The following SLC39A4 variants were observed in gnomAD, a reference collection of about 807,000 sequenced individuals.
The protein encoded by SLC39A4 is solute carrier family 39 member 4.
Under a neutral mutation model 56.6 loss-of-function variants are expected in SLC39A4, and 49 were observed. The observed-to-expected ratio is 0.87, with a 90% CI of 0.69 to 1.10. The LOEUF is 1.10. Among genes scored for constraint, SLC39A4 ranks in the 50% least tolerant of loss-of-function variants. The probability of loss-of-function intolerance (pLI) is 0.00; values close to 1 mark genes in which losing one functional copy is unlikely to be tolerated. For synonymous variants in SLC39A4, 540 were observed against 420.4 expected, an observed-to-expected ratio of 1.28 and a Z score of -3.48; for missense variants, 993 against 864.2, an observed-to-expected ratio of 1.15 and a Z score of -1.87.
rs371989787 is a variant in SLC39A4 at position 144,413,538 on chromosome 8, G to A, written c.1449C>T (p.Asn483=). 3 of 1,556,074 alleles carry A rather than the reference G, an allele frequency of 1.9e-6. No homozygotes were observed. The highest frequency in any genetic ancestry group is 2.6e-6 in the Non-Finnish European group (3 of 1,149,910). The change falls in exon 9 of 12, where the codon AAC becomes AAT. Residue 483 remains asparagine (N), a synonymous_variant. Coordinates refer to ENST00000301305, the MANE Select transcript of SLC39A4 (RefSeq NM_130849.4). ...CTGGGCTCAGTCTCCTGGGCTCAGG[G>A]TTCAGCAGCTCCGGGCTCTCCTCCG... is the stretch of plus-strand genomic sequence containing the variant. ...LVAEESPELL[N]PEPRRLSPEL...
intron 10 of SLC39A4, 134 bp from the exon 11 acceptor site, chr8:144,413,080 C>T: frequency 6.7e-7 from 1 of 1,481,816 alleles, no homozygotes; most frequent in African/African-American, 1.4e-5. Flanking sequence ...CAGATCCCGC[C>T]CATCACCTTC....
At chr8:144,413,085 A>T (rs1399980502) in intron 10 of SLC39A4, 139 bp from the exon 11 acceptor site, 1 of 1,381,960 alleles carries the variant, frequency 7.2e-7, no homozygotes, top group Non-Finnish European at 9.5e-7. Context: ...CCCGCCCATC[A>T]CCTTCCAGGC....
rs782789173 is a variant in SLC39A4, at chr8:144,415,870, C to G, written c.414G>C (p.Pro138=). The G allele has an allele frequency of 3.1e-6, 5 of 1,597,590 alleles. No individual in the cohort carries two copies. The highest frequency in any genetic ancestry group is 4.3e-6 in the Non-Finnish European group (5 of 1,175,356). ...ALLESPKALT[P]GLSWLLQRMQ... ...TCCTCTGCAGCAGCCAGCTCAGGCC[C>G]GGGGTCAGGGCCTTGGGGCTCTCGA... The change falls in exon 2 of 12, where the codon CCG becomes CCC. Residue 138 remains proline, a synonymous_variant. Transcript: ENST00000301305.
In SLC39A4 at chr8:144,415,930, G is replaced by C. The variant is rs1554873852; in HGVS notation, c.354C>G (p.Leu118=). The part of the protein sequence containing the change: ...EGTCEDARAG[L]WASHADHLLA... The stretch of plus-strand genomic sequence containing the variant: ...GGAGGTGGTCTGCATGAGAGGCCCA[G>C]AGGCCAGCCCGAGCGTCCTCACAGG... Residue 118 remains leucine (L), a synonymous_variant, in exon 2 of 12, where the codon CTC becomes CTG. Coordinates refer to ENST00000301305, the MANE Select transcript of SLC39A4 (RefSeq NM_130849.4). 1.3e-6 allele frequency: 2 copies of C among 1,596,246 alleles called. No individual in the cohort carries two copies. The highest frequency in any genetic ancestry group is 8.5e-7 in the Non-Finnish European group (1 of 1,174,030).
Position 144,416,058 on chromosome 8 carries a change from CGCCCAG to C in SLC39A4, c.220_225del (p.Leu74_Gly75del). On this transcript the variant is annotated inframe_deletion, in exon 2 of 12. Coordinates refer to ENST00000301305, the MANE Select transcript of SLC39A4 (RefSeq NM_130849.4). ...GGGGGCAGCCCTGACCCCTCAGGCT[CGCCCAG>C]GCCCAGGGCGTCCTCCACAGACAGG... 1 of 1,590,316 alleles carries C rather than the reference CGCCCAG, an allele frequency of 6.3e-7. No individual in the cohort carries two copies. Among genetic ancestry groups the C allele is most frequent in the Non-Finnish European group, 8.5e-7 (1 of 1,171,510 alleles).
rs121434292 is a variant in SLC39A4, at chr8:144,416,001, G to A, written c.283C>T (p.Arg95Cys). The A allele has an allele frequency of 9.5e-6, 15 of 1,582,794 alleles. No individual in the cohort carries two copies. Among genetic ancestry groups the A allele is most frequent in the East Asian group, 6.9e-5 (3 of 43,792 alleles). ...GPVLEARYVA[R>C]LSAAAVLYLS... ...TACAGGACGGCGGCGGCACTGAGGC[G>A]GGCGACGTACCTGGCCTCCAGGACC... The change falls in exon 2 of 12, where the codon CGC becomes TGC. Residue 95 changes from arginine (R) to cysteine (C), a missense_variant. Physicochemically the swap from Arg to Cys is radical, Grantham distance 180. Coordinates refer to ENST00000301305, the MANE Select transcript of SLC39A4 (RefSeq NM_130849.4).
intron 1 of SLC39A4, chr8:144,416,305 C>T (rs993114340): frequency 1.3e-6 from 2 of 1,517,620 alleles, no homozygotes; most frequent in Non-Finnish European, 8.8e-7. Context: ...ACAGTGGTCC[C>T]CCATCCCCAG....
chr8:144,413,760 C>G lies in SLC39A4; in HGVS notation c.1409G>C (p.Arg470Pro). 1 of 1,539,098 alleles carries G rather than the reference C, an allele frequency of 6.5e-7. No homozygotes were observed. The highest frequency in any genetic ancestry group is 8.7e-7 in the Non-Finnish European group (1 of 1,148,246). Reference sequence around the variant, plus strand: ...CTGGCGCCCACTCACCAGGTCTGCGCGGGAGCCCTCGTGGGGGGGCTTGGG... The same window carrying G: ...CTGGCGCCCACTCACCAGGTCTGCGGGGGAGCCCTCGTGGGGGGGCTTGGG... ...RQPKPPHEGS[R>P]ADLVAEESPE... The change falls in exon 8 of 12, where the codon CGC becomes CCC. Residue 470 changes from arginine to proline, a missense_variant. By Grantham distance (103) the Arg-to-Pro change is moderately radical. Coordinates refer to ENST00000301305, the MANE Select transcript of SLC39A4 (RefSeq NM_130849.4).
In SLC39A4 at chr8:144,413,828, G is replaced by T. The variant is rs781841222; in HGVS notation, c.1341C>A (p.Ser447Arg). 1.9e-6 allele frequency: 3 copies of T among 1,589,758 alleles called. No homozygotes were observed. The South Asian group carries it at 3.4e-5, about 18-fold the overall frequency. Residue 447 changes from serine to arginine, a missense_variant, in exon 8 of 12, where the codon AGC becomes AGA. By Grantham distance (110) the Ser-to-Arg change is moderately radical. Transcript: ENST00000301305. Reference protein sequence around the residue: ...GHSSHSHGGHSHGVSLQLAPS... With the variant: ...GHSSHSHGGHRHGVSLQLAPS... ...GTGCCAGCTGCAGGGACACACCGTGGCTGTGGCCCCCGTGGCTATGGCTGC... is the reference window on the plus strand; with the variant it reads ...GTGCCAGCTGCAGGGACACACCGTGTCTGTGGCCCCCGTGGCTATGGCTGC...
Position 144,413,286 on chromosome 8 carries a change from C to T in SLC39A4, c.1578G>A (p.Gly526=), listed in dbSNP as rs782470549. 2 of 1,600,060 alleles carry T rather than the reference C, an allele frequency of 1.2e-6. No homozygotes were observed. Among genetic ancestry groups the T allele is most frequent in the East Asian group, 2.2e-5 (1 of 44,636 alleles). Reference sequence around the variant, plus strand: ...AGAACACGGCCAGCGAGGTGGCCAGCCCGGTCTTCCAGGAGGACGCGAAGG... The same window carrying T: ...AGAACACGGCCAGCGAGGTGGCCAGTCCGGTCTTCCAGGAGGACGCGAAGG... ...GAAFASSWKT[G]LATSLAVFCH... Residue 526 remains glycine (G), a synonymous_variant, in exon 10 of 12, where the codon GGG becomes GGA. Transcript: ENST00000301305.
rs1554872940 is a variant in SLC39A4 at position 144,414,273 on chromosome 8, G to A, written c.1138C>T (p.Leu380=). ...GAVTGDAVLH[L]TPKVLGLHTH... ...TTGTGGGGGCAGACCTTGGGCGTCA[G>A]ATGCAGGACAGCGTCCCCAGTGACT... The change falls in exon 6 of 12, where the codon CTG becomes TTG. Residue 380 remains leucine (L), a synonymous_variant. Coordinates refer to ENST00000301305, the MANE Select transcript of SLC39A4 (RefSeq NM_130849.4). 1.2e-6 allele frequency: 2 copies of A among 1,609,084 alleles called. No individual in the cohort carries two copies. The highest frequency in any genetic ancestry group is 2.2e-5 in the South Asian group (2 of 89,622).
chr8:144,414,463 C>T (rs1217423659), intron 5 of SLC39A4, 29 bp from the exon 6 acceptor site: 2 of 1,549,532 alleles, frequency 1.3e-6, no homozygotes, highest in South Asian at 2.4e-5. Context: ...GCTGTGAGAG[C>T]TTTTCTTCCA....
At position 144,415,433 on chromosome 8, in the gene SLC39A4, G is replaced by T; in HGVS notation, c.475-14C>A. ...ATCTACGCAGGCCTGGGGAAGAGGGGGCCTCCGCCTCAGCCTTTGGTGTGA... is the reference window on the plus strand; with the variant it reads ...ATCTACGCAGGCCTGGGGAAGAGGGTGCCTCCGCCTCAGCCTTTGGTGTGA... On this transcript the variant is annotated splice_polypyrimidine_tract_variant and intron_variant, in intron 2 of 11. Transcript: ENST00000301305. 1 of 1,587,628 alleles carries T rather than the reference G, an allele frequency of 6.3e-7. No individual in the cohort carries two copies. The highest frequency in any genetic ancestry group is 8.6e-7 in the Non-Finnish European group (1 of 1,167,740).
chr8:144,412,816 C>T lies in SLC39A4; in HGVS notation c.1758G>A (p.Glu586=). The change falls in exon 11 of 12, where the codon GAG becomes GAA. Residue 586 remains glutamate (E), a synonymous_variant. Coordinates refer to ENST00000301305, the MANE Select transcript of SLC39A4 (RefSeq NM_130849.4). ...ALAVGVSEES[E]AWILAVATGL... Reference sequence around the variant, plus strand: ...CGGTGGCCACTGCCAGGATCCAGGCCTCGCTCTCCTCGCTGACTCCAACCG... The same window carrying T: ...CGGTGGCCACTGCCAGGATCCAGGCTTCGCTCTCCTCGCTGACTCCAACCG... 1.9e-6 allele frequency: 3 copies of T among 1,613,068 alleles called. No homozygotes were observed. The highest frequency in any genetic ancestry group is 2.5e-6 in the Non-Finnish European group (3 of 1,179,934).
chr8:144,414,605 G>A (rs1443507756), intron 5 of SLC39A4, 120 bp downstream of exon 5: 2 of 1,512,334 alleles, frequency 1.3e-6, no homozygotes, highest in Non-Finnish European at 1.8e-6. Flanking sequence ...CCCTGTGTCT[G>A]TTGTTTCTAC....
intron 8 of SLC39A4, 80 bp downstream of exon 8, chr8:144,413,670 G>C: frequency 6.5e-7 from 1 of 1,541,142 alleles, no homozygotes; most frequent in Non-Finnish European, 8.7e-7. Context: ...GCAGGCCTGG[G>C]GTGGGGCTGG....
In SLC39A4 at chr8:144,412,741, T is replaced by TC; in HGVS notation, c.1815+17dup. The TC allele has an allele frequency of 6.2e-7, 1 of 1,613,124 alleles. No individual in the cohort carries two copies. The highest frequency in any genetic ancestry group is 8.5e-7 in the Non-Finnish European group (1 of 1,179,886). The stretch of plus-strand genomic sequence containing the variant: ...TCAGCTCCCGGCCCAGAGCAGCCCC[T>TC]CCCCTCGCCATCCTGACCATGTCGC... On this transcript the variant is annotated intron_variant, in intron 11 of 11. Transcript: ENST00000301305.
At position 144,413,836 on chromosome 8, in the gene SLC39A4, C is replaced by T. The variant is rs1822020849; in HGVS notation, c.1333G>A (p.Gly445Ser). The change falls in exon 8 of 12, where the codon GGC (glycine) becomes AGC (serine). Residue 445 changes from glycine to serine, a missense_variant. Physicochemically the swap from Gly to Ser is moderately conservative, Grantham distance 56. Coordinates refer to ENST00000301305, the MANE Select transcript of SLC39A4 (RefSeq NM_130849.4). Reference sequence around the variant, plus strand: ...TGCAGGGACACACCGTGGCTGTGGCCCCCGTGGCTATGGCTGCTGTGGCCG... The same window carrying T: ...TGCAGGGACACACCGTGGCTGTGGCTCCCGTGGCTATGGCTGCTGTGGCCG... The part of the protein sequence containing the change: ...PCGHSSHSHG[G>S]HSHGVSLQLA... 2 of 1,594,450 alleles carry T rather than the reference C, an allele frequency of 1.3e-6. No homozygotes were observed. The highest frequency in any genetic ancestry group is 1.7e-6 in the Non-Finnish European group (2 of 1,174,330).
In SLC39A4 at chr8:144,413,552, G is replaced by T; in HGVS notation, c.1435C>A (p.Pro479Thr). 6.4e-7 allele frequency: 1 copy of T among 1,554,570 alleles called. No homozygotes were observed. Among genetic ancestry groups the T allele is most frequent in the East Asian group, 2.4e-5 (1 of 41,246 alleles). Residue 479 changes from proline (P) to threonine (T), a missense_variant, in exon 9 of 12, where the codon CCG becomes ACG. By Grantham distance (38) the Pro-to-Thr change is conservative (BLOSUM62 -1). Transcript: ENST00000301305. ...SRADLVAEES[P>T]ELLNPEPRRL... ...CTGGGCTCAGGGTTCAGCAGCTCCGGGCTCTCCTCCGCCACCTGGGAGGAG... is the reference window on the plus strand; with the variant it reads ...CTGGGCTCAGGGTTCAGCAGCTCCGTGCTCTCCTCCGCCACCTGGGAGGAG...
Sources: allele counts gnomAD v4.1 joint callset, GRCh38; gene constraint gnomAD v4.1.1; transcripts MANE v1.5; gene names NCBI Gene and HGNC (gene_info 2026-07-23, HGNC 2026-07-21).